PLCE1: variants seen among roughly 807,000 people sequenced by gnomAD.
The protein encoded by PLCE1 is 1-phosphatidylinositol 4,5-bisphosphate phosphodiesterase epsilon-1.
Under a neutral mutation model 242.8 loss-of-function variants are expected in PLCE1, and 119 were observed. The observed-to-expected ratio is 0.49, with a 90% CI of 0.42 to 0.57. PLCE1 has a LOEUF of 0.57. Ranked by LOEUF, PLCE1 falls within the 20% of genes least tolerant of loss-of-function variation. The pLI is 0.00. For synonymous variants in PLCE1, 945 were observed against 1,017.4 expected (o/e 0.93, Z 1.35); for missense variants, 2,441 against 2,788.8 (o/e 0.88, Z 2.81).
chr10:94,021,711 G>C (rs1330621794), intron 1 of PLCE1, among the ~76,000 whole-genome samples: 1 of 151,978 alleles, frequency 6.6e-6, no homozygotes, highest in East Asian at 1.9e-4. Flanking sequence ...GAATTATTCT[G>C]ACCATTCTAA....
At chr10:94,224,732 A>G (rs991792469) in intron 4 of PLCE1, among the ~76,000 whole-genome samples, 2 of 152,242 alleles carry the variant, frequency 1.3e-5, no homozygotes, top group Admixed American at 1.3e-4. Flanking sequence ...GAAGAATTAG[A>G]TGGATGCACC....
At chr10:94,040,549 C>T (rs929552508) in intron 2 of PLCE1, among the ~76,000 whole-genome samples, 1 of 152,184 alleles carries the variant, frequency 6.6e-6, no homozygotes, top group African/African-American at 2.4e-5. Context: ...TAGGGTGAGA[C>T]AAGTGAGTGT....
At chr10:94,077,568 C>A (rs2044541218) in intron 2 of PLCE1, among the ~76,000 whole-genome samples, 1 of 152,028 alleles carries the variant, frequency 6.6e-6, no homozygotes, top group African/African-American at 2.4e-5. Flanking sequence ...GAGACCAGTC[C>A]AGGCAACATA....
intron 2 of PLCE1, among the ~76,000 whole-genome samples, chr10:94,129,606 G>A (rs539581834): frequency 4.6e-5 from 7 of 152,316 alleles, no homozygotes; most frequent in African/African-American, 1.7e-4. Context: ...GCACATGGTA[G>A]TGAGCAAATG....
In PLCE1 at chr10:94,273,657, A is replaced by C; in HGVS notation, c.4602A>C (p.Lys1534Asn). 1 of 1,613,902 alleles carries C rather than the reference A, an allele frequency of 6.2e-7. No homozygotes were observed. Among genetic ancestry groups the C allele is most frequent in the Non-Finnish European group, 8.5e-7 (1 of 1,179,808 alleles). Residue 1534 changes from lysine (K) to asparagine (N), a missense_variant, in exon 19 of 33, where the codon AAA (lysine) becomes AAC (asparagine). Around this residue, in one of 5 missense-constraint regions of PLCE1, gnomAD observed 1,004 missense variants for 1,322.7 expected, o/e 0.76. Coordinates refer to ENST00000371380, the MANE Select transcript of PLCE1 (RefSeq NM_016341.4). ...CTTCACCTGACCAACTCAGAAAGAA[A>C]GTTCTTCTTAAAAACAAGAAGCTAA... ...MLPSPDQLRK[K>N]VLLKNKKLKA...
intron 2 of PLCE1, among the ~76,000 whole-genome samples, chr10:94,131,061 A>T (rs2046585965): frequency 6.6e-6 from 1 of 152,242 alleles, no homozygotes; most frequent in Non-Finnish European, 1.5e-5. Context: ...TTTCTGGTAT[A>T]TAAACAGTAA....
At chr10:94,292,394 C>A (rs1281920714) in intron 22 of PLCE1, among the ~76,000 whole-genome samples, 1 of 152,140 alleles carries the variant, frequency 6.6e-6, no homozygotes, top group African/African-American at 2.4e-5. Context: ...GATTCTCAGA[C>A]TGGGGATCCT....
chr10:94,078,465 G>A (rs1331707398), intron 2 of PLCE1, among the ~76,000 whole-genome samples: 1 of 151,912 alleles, frequency 6.6e-6, no homozygotes, highest in African/African-American at 2.4e-5. Context: ...AAAACATGAA[G>A]CATGGTCTTG....
chr10:94,187,466 A>C (rs1195167172), intron 4 of PLCE1, among the ~76,000 whole-genome samples: 2 of 152,178 alleles, frequency 1.3e-5, no homozygotes, highest in African/African-American at 4.8e-5. Context: ...GCTGAGGTAC[A>C]TGGTGACTCC....
chr10:94,140,514 T>G (rs2797984), intron 3 of PLCE1, among the ~76,000 whole-genome samples: 137,920 of 152,220 alleles, frequency 0.91, 63,204 homozygotes, highest in South Asian at 0.98. Flanking sequence ...CTGTACTCCC[T>G]CCTGGGCAAC....
intron 2 of PLCE1, among the ~76,000 whole-genome samples, chr10:94,122,294 A>G (rs533528649): frequency 2.9e-4 from 44 of 152,326 alleles, no homozygotes; most frequent in African/African-American, 9.9e-4. Context: ...CAGGCCATTA[A>G]GTCCCTTCTG....
intron 2 of PLCE1, among the ~76,000 whole-genome samples, chr10:94,052,167 G>C (rs911747019): frequency 2.6e-5 from 4 of 152,176 alleles, no homozygotes; most frequent in Non-Finnish European, 4.4e-5. Flanking sequence ...AAACCTAGAG[G>C]CTTGTAACCA....
At chr10:94,177,338 T>C (rs896648560) in intron 4 of PLCE1, among the ~76,000 whole-genome samples, 12 of 152,204 alleles carry the variant, frequency 7.9e-5, no homozygotes, top group Admixed American at 7.8e-4. Flanking sequence ...CATGCCCTAT[T>C]AGACTGTGAT....
chr10:94,206,099 A>G (rs796378326), intron 4 of PLCE1, among the ~76,000 whole-genome samples: 5 of 152,314 alleles, frequency 3.3e-5, no homozygotes, highest in African/African-American at 1.2e-4. Flanking sequence ...AGGGATGGGA[A>G]GTGTTGGGGA....
At chr10:94,034,219 C>G (rs1274953633) in intron 2 of PLCE1, among the ~76,000 whole-genome samples, 1 of 152,164 alleles carries the variant, frequency 6.6e-6, no homozygotes, top group African/African-American at 2.4e-5. Context: ...TGGCCCTGCC[C>G]TTGACACATG....
At chr10:94,057,088 G>A (rs1302072209) in intron 2 of PLCE1, among the ~76,000 whole-genome samples, 3 of 152,124 alleles carry the variant, frequency 2.0e-5, no homozygotes, top group Non-Finnish European at 2.9e-5. Flanking sequence ...CCTTTTGGAT[G>A]TATGAATAGT....
intron 4 of PLCE1, among the ~76,000 whole-genome samples, chr10:94,192,162 C>A (rs1476582798): frequency 6.6e-6 from 1 of 152,114 alleles, no homozygotes; most frequent in Non-Finnish European, 1.5e-5. Flanking sequence ...ATGGTGAGAA[C>A]TTTTTAAAGT....
chr10:94,053,843 A>G (rs2043831260), intron 2 of PLCE1, among the ~76,000 whole-genome samples: 1 of 152,202 alleles, frequency 6.6e-6, no homozygotes, highest in South Asian at 2.1e-4. Flanking sequence ...GATTTGGAAA[A>G]CAGAAGTTAT....
At chr10:94,146,525 G>C (rs2047119351) in intron 3 of PLCE1, among the ~76,000 whole-genome samples, 1 of 152,172 alleles carries the variant, frequency 6.6e-6, no homozygotes, top group African/African-American at 2.4e-5. Flanking sequence ...CCTTCTCCAG[G>C]CTTACATAAA....
Sources: allele counts gnomAD v4.1 joint callset (sites outside exome capture counted in the v4.1 genomes callset), GRCh38; gene constraint gnomAD v4.1.1; regional missense constraint gnomAD v4.1.1; transcripts MANE v1.5; gene names NCBI Gene and HGNC (gene_info 2026-07-23, HGNC 2026-07-21).